LYN: variants seen among roughly 807,000 people sequenced by gnomAD.
LYN encodes the protein tyrosine-protein kinase Lyn.
In LYN, 12 loss-of-function variants were observed where a neutral mutation model predicts 65.0. The observed-to-expected ratio is 0.18, with a 90% CI of 0.12 to 0.30. The LOEUF (loss-of-function observed/expected upper bound fraction) is 0.30. Ranked by LOEUF, LYN falls within the 10% of genes least tolerant of loss-of-function variation. LYN has a pLI of 1.00. For synonymous variants in LYN, 222 were observed against 221.2 expected, an observed-to-expected ratio of 1.00 and a Z score of -0.03; for missense variants, 380 against 623.2, an observed-to-expected ratio of 0.61 and a Z score of 4.16.
intron 8 of LYN, among the ~76,000 whole-genome samples, chr8:55,954,884 A>C (rs544437779): frequency 1.8e-4 from 27 of 149,178 alleles, no homozygotes; most frequent in South Asian, 4.2e-4. Context: ...AAGTTTTCAT[A>C]GTGAATGTGA....
At chr8:55,980,329 G>C (rs7828483) in intron 10 of LYN, 46,907 of 152,030 alleles carry the variant, frequency 0.31, 8,627 homozygotes, top group African/African-American at 0.51. Flanking sequence ...GGAGTTTTGA[G>C]CTGCTCCGCT....
intron 1 of LYN, among the ~76,000 whole-genome samples, 159 bp downstream of exon 1, chr8:55,880,262 G>A (rs916050453): frequency 4.6e-5 from 7 of 151,974 alleles, no homozygotes; most frequent in Non-Finnish European, 1.0e-4. Context: ...ACCGCCTCTG[G>A]GCTCCGGCGG....
At position 56,010,157 on chromosome 8, in the gene LYN, G is replaced by A; in HGVS notation, c.*47G>A. 1 of 1,578,496 alleles carries A rather than the reference G, an allele frequency of 6.3e-7. No homozygotes were observed. On this transcript the variant is annotated 3_prime_UTR_variant, in exon 13 of 13. Coordinates refer to ENST00000519728, the MANE Select transcript of LYN (RefSeq NM_002350.4). ...TTGGCAGGGGTGGCTGCCTCATTTA[G>A]AGAGGAAAAGTAACCATCACTGGTT...
chr8:55,984,466 C>T (rs1808017743), intron 10 of LYN, among the ~76,000 whole-genome samples: 1 of 152,200 alleles, frequency 6.6e-6, no homozygotes, highest in South Asian at 2.1e-4. Flanking sequence ...GCACCTCTGT[C>T]CTTGGAGCTG....
chr8:56,001,356 A>G (rs1808505768), intron 12 of LYN, among the ~76,000 whole-genome samples: 1 of 152,188 alleles, frequency 6.6e-6, no homozygotes. Context: ...GGAGAGACTT[A>G]CTGGCCATGT....
rs1341743995 is a variant in LYN at position 55,941,933 on chromosome 8, G to A, written c.74G>A (p.Arg25His). 1.2e-6 allele frequency: 2 copies of A among 1,612,448 alleles called. No homozygotes were observed. Among genetic ancestry groups the A allele is most frequent in the Non-Finnish European group, 1.7e-6 (2 of 1,178,784 alleles). Residue 25 changes from arginine to histidine, a missense_variant, in exon 2 of 13, where the codon CGT (arginine) becomes CAT (histidine). By Grantham distance (29) the Arg-to-His change is conservative. Around this residue, in one of 2 missense-constraint regions of LYN, gnomAD observed 157 missense variants for 193.2 expected, o/e 0.81. Coordinates refer to ENST00000519728, the MANE Select transcript of LYN (RefSeq NM_002350.4). The stretch of plus-strand genomic sequence containing the variant: ...GTAGATTTGAAGACTCAACCAGTAC[G>A]TAATACTGAAAGAACTATTTATGTG... ...DGVDLKTQPV[R>H]NTERTIYVRD...
intron 3 of LYN, 139 bp downstream of exon 3, chr8:55,946,632 A>G: frequency 1.6e-6 from 1 of 636,550 alleles, no homozygotes. Flanking sequence ...AACTATTTTT[A>G]AGTATACATT....
chr8:55,988,291 G>GGTGT (rs57413136), intron 10 of LYN, among the ~76,000 whole-genome samples: 6,647 of 142,096 alleles, frequency 0.047, 228 homozygotes, highest in African/African-American at 0.097. Context: ...CAAACTCCCT[G>GGTGT]GTGTGTGTGT....
At chr8:55,920,763 TC>T (rs1193646013) in intron 1 of LYN, among the ~76,000 whole-genome samples, 880 of 49,718 alleles carry the variant, frequency 0.018, 12 homozygotes, top group African/African-American at 0.059. Context: ...GCTCCGCCCC[TC>T]CCCCCCTTGC....
chr8:55,999,374 T>C lies in LYN; in HGVS notation c.1205-44T>C, dbSNP rs750658967. ...GTCACATGTTCATGACTTTTTTGTT[T>C]AAGTTTAAATACCCAAGTAAGAACC... On this transcript the variant is annotated intron_variant, in intron 11 of 12. Coordinates refer to ENST00000519728, the MANE Select transcript of LYN (RefSeq NM_002350.4). The C allele has an allele frequency of 3.2e-6, 5 of 1,576,702 alleles. No homozygotes were observed. In the East Asian group the frequency reaches 6.7e-5, roughly 21 times the overall value.
At chr8:55,941,164 C>T (rs1445358395) in intron 1 of LYN, among the ~76,000 whole-genome samples, 1 of 152,162 alleles carries the variant, frequency 6.6e-6, no homozygotes, top group African/African-American at 2.4e-5. Context: ...CCCTTGAAGT[C>T]TCAAGGCCCC....
At chr8:55,934,785 C>A (rs112157637) in intron 1 of LYN, among the ~76,000 whole-genome samples, 1,902 of 152,320 alleles carry the variant, frequency 0.012, 23 homozygotes, top group South Asian at 0.023. Context: ...CACCTCACCC[C>A]CCTTTCCCAA....
chr8:55,993,148 A>T (rs1334075648), intron 10 of LYN, among the ~76,000 whole-genome samples: 1 of 152,176 alleles, frequency 6.6e-6, no homozygotes, highest in Non-Finnish European at 1.5e-5. Flanking sequence ...CCTGTTAAGG[A>T]TGCCTTAACT....
chr8:55,905,604 A>G (rs939883297), intron 1 of LYN, among the ~76,000 whole-genome samples: 1 of 152,172 alleles, frequency 6.6e-6, no homozygotes, highest in Non-Finnish European at 1.5e-5. Context: ...AAAGGGAACC[A>G]CAAATGTCCC....
chr8:55,908,488 G>A (rs1374636521), intron 1 of LYN, among the ~76,000 whole-genome samples: 1 of 151,940 alleles, frequency 6.6e-6, no homozygotes, highest in African/African-American at 2.4e-5. Flanking sequence ...CAGGTGATCC[G>A]CCCACCTCAG....
At chr8:55,965,033 AT>A (rs11450642) in intron 8 of LYN, among the ~76,000 whole-genome samples, 1,906 of 150,190 alleles carry the variant, frequency 0.013, 23 homozygotes, top group South Asian at 0.05. Context: ...CCTTCTCCCC[AT>A]TTTTTTTTTA....
chr8:55,935,820 G>A (rs1477647543), intron 1 of LYN, among the ~76,000 whole-genome samples: 1 of 150,926 alleles, frequency 6.6e-6, no homozygotes, highest in East Asian at 1.9e-4. Flanking sequence ...GAAAATTGAT[G>A]CAAGACTGAA....
At chr8:55,893,842 A>T (rs1805019367) in intron 1 of LYN, 1 of 151,922 alleles carries the variant, frequency 6.6e-6, no homozygotes, top group African/African-American at 2.4e-5. Flanking sequence ...CCCAGGCTAG[A>T]GTGCACTGGC....
intron 3 of LYN, among the ~76,000 whole-genome samples, chr8:55,947,244 C>T (rs776760526): frequency 6.6e-6 from 1 of 152,186 alleles, no homozygotes; most frequent in South Asian, 2.1e-4. Flanking sequence ...AGCGAGACTC[C>T]GTCTCAAAAG....
Sources: allele counts gnomAD v4.1 joint callset (sites outside exome capture counted in the v4.1 genomes callset), GRCh38; gene constraint gnomAD v4.1.1; regional missense constraint gnomAD v4.1.1; transcripts MANE v1.5; gene names NCBI Gene and HGNC (gene_info 2026-07-23, HGNC 2026-07-21).